ITGB3BP: variants seen among roughly 807,000 people sequenced by gnomAD.
The protein encoded by ITGB3BP is integrin subunit beta 3 binding protein.
In ITGB3BP, 27 loss-of-function variants were observed where a neutral mutation model predicts 29.1. The ratio of observed to expected loss-of-function variants is 0.93; its 90% confidence interval spans 0.68 to 1.28. The LOEUF (loss-of-function observed/expected upper bound fraction) is 1.28. ITGB3BP is among the 50% of genes most tolerant of loss of function. ITGB3BP has a pLI of 0.00. For missense variants in ITGB3BP, 192 were observed against 200.2 expected (o/e 0.96, Z 0.25); for synonymous variants, 61 against 61.4 (o/e 0.99, Z 0.03).
intron 3 of ITGB3BP, among the ~76,000 whole-genome samples, chr1:63,485,336 G>C (rs551913083): frequency 6.6e-6 from 1 of 151,960 alleles, no homozygotes; most frequent in African/African-American, 2.4e-5. Context: ...GAAAATACGA[G>C]GACCTTAAAA....
chr1:63,473,447 C>T (rs1290390647), intron 4 of ITGB3BP, among the ~76,000 whole-genome samples: 3 of 141,132 alleles, frequency 2.1e-5, no homozygotes, highest in Non-Finnish European at 3.1e-5. Flanking sequence ...CTCTGCCCGG[C>T]CAGTCGCCCC....
intron 4 of ITGB3BP, among the ~76,000 whole-genome samples, chr1:63,476,752 T>C (rs941448865): frequency 6.6e-6 from 1 of 152,242 alleles, no homozygotes; most frequent in African/African-American, 2.4e-5. Flanking sequence ...CCTATTTACA[T>C]TTTATATAAC....
chr1:63,482,270 C>CAAA (rs376500389), intron 3 of ITGB3BP, among the ~76,000 whole-genome samples: 1,802 of 59,070 alleles, frequency 0.031, 222 homozygotes, highest in Middle Eastern at 0.056. Context: ...GACTCCATCT[C>CAAA]AAAAAAAAAA....
rs1303302402 is a variant in ITGB3BP at position 63,473,637 on chromosome 1, CCCGGCCAGCCGCCCCGT to C, written c.254+5110_254+5126del. 1.1e-3 allele frequency among the ~76,000 whole-genome samples: 150 copies of C among 130,838 alleles called. 1 individual carries two copies. The highest frequency in any genetic ancestry group is 4.2e-3 in the African/African-American group (146 of 34,796). The allele number at this position is 130,838 out of a possible 152,430, so 85.8% of individuals were successfully genotyped here. A position where few individuals can be genotyped will look rare whatever the true frequency, so the allele number is the denominator to read the frequency against. On this transcript the variant is annotated intron_variant, in intron 4 of 8. Coordinates refer to ENST00000271002, the MANE Select transcript of ITGB3BP (RefSeq NM_014288.5). Reference sequence around the variant, plus strand: ...GGGAGGTGGGGGGGTCAGCCCCCCGCCCGGCCAGCCGCCCCGTCCGGGAGGGAGGTGGGGGGATCAGC... The same window carrying C: ...GGGAGGTGGGGGGGTCAGCCCCCCGCCCGGGAGGGAGGTGGGGGGATCAGC...
chr1:63,490,001 C>G, intron 3 of ITGB3BP, 82 bp downstream of exon 3: 2 of 1,189,862 alleles, frequency 1.7e-6, no homozygotes, highest in African/African-American at 3.1e-5. Context: ...GTAGCAAGAT[C>G]CATACATAAT....
At chr1:63,455,262 C>G (rs1644916785) in intron 4 of ITGB3BP, among the ~76,000 whole-genome samples, 2 of 152,060 alleles carry the variant, frequency 1.3e-5, no homozygotes, top group African/African-American at 2.4e-5. Context: ...ATCAGTATCA[C>G]CTAGTAACTT....
chr1:63,499,148 C>T (rs1311034065), intron 2 of ITGB3BP, among the ~76,000 whole-genome samples: 2 of 138,060 alleles, frequency 1.4e-5, no homozygotes, highest in Admixed American at 1.6e-4. Context: ...CAAGTGAATT[C>T]CACTAGCGTT....
intron 2 of ITGB3BP, among the ~76,000 whole-genome samples, chr1:63,507,529 CAA>C (rs1368855782): frequency 6.6e-6 from 1 of 152,102 alleles, no homozygotes; most frequent in Non-Finnish European, 1.5e-5. Context: ...ACTCATCTAC[CAA>C]AAAACCATTC....
At chr1:63,461,512 G>C (rs372191070) in intron 4 of ITGB3BP, among the ~76,000 whole-genome samples, 3 of 152,102 alleles carry the variant, frequency 2.0e-5, no homozygotes, top group Admixed American at 6.5e-5. Flanking sequence ...TGTGCTTTTG[G>C]TGTTGTTATA....
chr1:63,510,802 C>T (rs1171031876), intron 1 of ITGB3BP, among the ~76,000 whole-genome samples: 3 of 152,102 alleles, frequency 2.0e-5, no homozygotes, highest in Non-Finnish European at 1.5e-5. Flanking sequence ...AAACCCACTA[C>T]AGAGTTTATG....
At chr1:63,451,659 T>C (rs970621410) in intron 7 of ITGB3BP, 1 of 152,010 alleles carries the variant, frequency 6.6e-6, no homozygotes, top group African/African-American at 2.4e-5. Context: ...CTAATATGTA[T>C]GTTAGGAACC....
In ITGB3BP at chr1:63,472,595, C is replaced by T. The variant is rs574659876; in HGVS notation, c.254+6169G>A. 4.6e-5 allele frequency among the ~76,000 whole-genome samples: 7 copies of T among 151,024 alleles called. No individual in the cohort carries two copies. In the East Asian group the frequency reaches 1.2e-3, roughly 25 times the overall value. ...GCCTGATTCTCCTGCCTCAGCCTGC[C>T]GAGTGCCTGCGATTGCAGGCGCGCG... On this transcript the variant is annotated intron_variant, in intron 4 of 8. Coordinates refer to ENST00000271002, the MANE Select transcript of ITGB3BP (RefSeq NM_014288.5).
intron 4 of ITGB3BP, among the ~76,000 whole-genome samples, chr1:63,466,416 C>A (rs1253216956): frequency 1.3e-5 from 2 of 152,166 alleles, no homozygotes; most frequent in Admixed American, 1.3e-4. Context: ...AAAGGAAAAC[C>A]CAATTTTAGA....
chr1:63,490,086 T>C lies in ITGB3BP; in HGVS notation c.181A>G (p.Asn61Asp). The change falls in exon 3 of 9, where the codon AAT becomes GAT. Residue 61 changes from asparagine (N) to aspartate (D), a missense_variant. Asn to Asp is a conservative substitution (Grantham distance 23). Coordinates refer to ENST00000271002, the MANE Select transcript of ITGB3BP (RefSeq NM_014288.5). ...TAGAAAAGAATGTTCAACTAACCAT[T>C]TGATAGTCCATTTCTGTGCTTTTGC... is the stretch of plus-strand genomic sequence containing the variant. Reference protein sequence around the residue: ...EEQKHRNGLSNEKRKKLNHPS... With the variant: ...EEQKHRNGLSDEKRKKLNHPS... The C allele has an allele frequency of 1.2e-6, 2 of 1,609,376 alleles. No homozygotes were observed. The highest frequency in any genetic ancestry group is 1.7e-6 in the Non-Finnish European group (2 of 1,178,116).
intron 4 of ITGB3BP, among the ~76,000 whole-genome samples, chr1:63,475,427 T>C (rs1305485457): frequency 1.3e-5 from 2 of 152,132 alleles, no homozygotes; most frequent in East Asian, 1.9e-4. Context: ...GGTAGTAACA[T>C]ACCTGTACTT....
chr1:63,490,635 T>C (rs2100678483), intron 2 of ITGB3BP, among the ~76,000 whole-genome samples: 1 of 152,282 alleles, frequency 6.6e-6, no homozygotes, highest in South Asian at 2.1e-4. Context: ...GGATCACTGC[T>C]GTCCTACAGC....
At chr1:63,452,067 A>G (rs1240822393) in intron 7 of ITGB3BP, 3 of 152,130 alleles carry the variant, frequency 2.0e-5, no homozygotes, top group Non-Finnish European at 4.4e-5. Context: ...CTTAATGCCT[A>G]AAATAATAGA....
intron 4 of ITGB3BP, among the ~76,000 whole-genome samples, chr1:63,468,523 C>T (rs1557620328): frequency 1.3e-5 from 2 of 151,574 alleles, no homozygotes; most frequent in East Asian, 3.9e-4. Flanking sequence ...GTCAAGATAT[C>T]AAGACTATCC....
chr1:63,476,129 G>A (rs1379637529), intron 4 of ITGB3BP, among the ~76,000 whole-genome samples: 1 of 151,426 alleles, frequency 6.6e-6, no homozygotes, highest in Non-Finnish European at 1.5e-5. Flanking sequence ...TGAACTCTTG[G>A]TCTCAAGCAA....
Sources: gnomAD v4.1 joint callset for allele counts (sites outside exome capture counted in the v4.1 genomes callset) on GRCh38, gnomAD v4.1.1 for gene constraint, MANE v1.5 for transcripts, NCBI Gene and HGNC (gene_info 2026-07-23, HGNC 2026-07-21) for gene names.